NMNAT3: variants seen among roughly 807,000 people sequenced by gnomAD.
NMNAT3 encodes the protein nicotinamide nucleotide adenylyltransferase 3.
NMNAT3 carries 21 observed loss-of-function variants against 24.8 expected under a neutral mutation model. That is an observed-to-expected ratio of 0.85 (90% CI 0.60 to 1.22). The LOEUF is 1.22. NMNAT3 is among the 50% of genes most tolerant of loss of function. The probability of loss-of-function intolerance (pLI) is 0.00; values close to 1 mark genes in which losing one functional copy is unlikely to be tolerated. For missense variants in NMNAT3, 387 were observed against 436.6 expected, an observed-to-expected ratio of 0.89 and a Z score of 1.01; for synonymous variants, 136 against 155.2, an observed-to-expected ratio of 0.88 and a Z score of 0.92.
intron 4 of NMNAT3, chr3:139,582,825 T>C (rs2053724268): frequency 1.6e-6 from 1 of 608,120 alleles, no homozygotes; most frequent in African/African-American, 1.9e-5. Flanking sequence ...AATATATAGG[T>C]ATTCAATGCA....
chr3:139,654,007 C>T (rs2057150036), intron 1 of NMNAT3, among the ~76,000 whole-genome samples: 1 of 152,154 alleles, frequency 6.6e-6, no homozygotes, highest in African/African-American at 2.4e-5. Flanking sequence ...CCCTCAGTGT[C>T]CAGGAGCTAG....
At chr3:139,616,515 G>T (rs2055510572) in intron 3 of NMNAT3, among the ~76,000 whole-genome samples, 1 of 152,056 alleles carries the variant, frequency 6.6e-6, no homozygotes, top group Non-Finnish European at 1.5e-5. Context: ...CTCCAGTCTT[G>T]TATTCTGATA....
chr3:139,598,068 A>G (rs2054557016), intron 3 of NMNAT3, among the ~76,000 whole-genome samples: 1 of 152,260 alleles, frequency 6.6e-6, no homozygotes, highest in South Asian at 2.1e-4. Context: ...TAAGACTTAA[A>G]TAAATAGAAT....
chr3:139,599,510 CAAGTAACA>C (rs2054619923), intron 3 of NMNAT3: 2 of 655,906 alleles, frequency 3.0e-6, no homozygotes, highest in Non-Finnish European at 5.4e-6. Flanking sequence ...TGTTAAGAAT[CAAGTAACA>C]AAGAAGCTTG....
chr3:139,657,074 C>T (rs903512857), intron 1 of NMNAT3, among the ~76,000 whole-genome samples: 3 of 152,110 alleles, frequency 2.0e-5, no homozygotes, highest in African/African-American at 4.8e-5. Flanking sequence ...CTGATGGGGA[C>T]ACAGAAACTC....
At chr3:139,629,886 A>C (rs1174084943) in intron 2 of NMNAT3, among the ~76,000 whole-genome samples, 1 of 152,206 alleles carries the variant, frequency 6.6e-6, no homozygotes, top group Non-Finnish European at 1.5e-5. Flanking sequence ...CACATTATTT[A>C]TTACTTCATC....
intron 5 of NMNAT3, chr3:139,575,697 G>T (rs543645330): frequency 2.0e-6 from 2 of 1,023,384 alleles, no homozygotes; most frequent in Middle Eastern, 4.4e-4. Context: ...CTTCCACTGC[G>T]CCTCTATGGG....
chr3:139,602,392 A>G (rs535975090), intron 3 of NMNAT3, among the ~76,000 whole-genome samples: 23 of 152,342 alleles, frequency 1.5e-4, no homozygotes, highest in African/African-American at 5.5e-4. Context: ...AGGAACAGGA[A>G]ACTTGAAACA....
intron 1 of NMNAT3, among the ~76,000 whole-genome samples, chr3:139,664,272 A>G (rs1272062976): frequency 6.6e-6 from 1 of 152,178 alleles, no homozygotes; most frequent in African/African-American, 2.4e-5. Context: ...ATTTTGAATC[A>G]CCATCCATGG....
chr3:139,630,403 AGGCTGCTGAGAT>A (rs1196044765), intron 2 of NMNAT3, among the ~76,000 whole-genome samples: 1 of 152,348 alleles, frequency 6.6e-6, no homozygotes, highest in East Asian at 1.9e-4. Context: ...GGAGGGTGGA[AGGCTGCTGAGAT>A]GGCTTCTTTG....
At chr3:139,605,446 G>A (rs970325211) in intron 3 of NMNAT3, among the ~76,000 whole-genome samples, 2 of 152,134 alleles carry the variant, frequency 1.3e-5, no homozygotes, top group African/African-American at 4.8e-5. Flanking sequence ...CTTTTGAGGT[G>A]ATCAACTCTA....
intron 3 of NMNAT3, among the ~76,000 whole-genome samples, chr3:139,596,155 A>T (rs1337534714): frequency 6.6e-6 from 1 of 152,134 alleles, no homozygotes; most frequent in East Asian, 1.9e-4. Context: ...CTTTTCCAGA[A>T]AGGTCTATCT....
In NMNAT3 at chr3:139,675,135, T is replaced by TACACACACACACACACACACACAC. The variant is rs148834873; in HGVS notation, c.-141+2546_-141+2569dup. 1.1e-3 allele frequency among the ~76,000 whole-genome samples: 157 copies of TACACACACACACACACACACACAC among 148,334 alleles called. 1 individual carries two copies. Among genetic ancestry groups the TACACACACACACACACACACACAC allele is most frequent in the Non-Finnish European group, 1.8e-3 (122 of 67,222 alleles). On this transcript the variant is annotated intron_variant, in intron 1 of 6. Transcript: ENST00000643695. ...CTTACCTTCGTATTCCTTTTAAACA[T>TACACACACACACACACACACACAC]ACACACACACACACACACACACACA...
intron 6 of NMNAT3, chr3:139,569,462 A>C (rs1028935640): frequency 1.3e-5 from 2 of 151,992 alleles, no homozygotes; most frequent in African/African-American, 4.8e-5. Context: ...ATTTGGCATG[A>C]TTTTGCAGTG....
At chr3:139,591,919 C>A (rs1271532767) in intron 3 of NMNAT3, among the ~76,000 whole-genome samples, 2 of 152,232 alleles carry the variant, frequency 1.3e-5, no homozygotes, top group Non-Finnish European at 2.9e-5. Flanking sequence ...CGCCTCTCCT[C>A]CTCCAAAGGA....
chr3:139,665,724 A>AGG (rs1293788575), intron 1 of NMNAT3, among the ~76,000 whole-genome samples: 1 of 71,544 alleles, frequency 1.4e-5, no homozygotes, highest in Non-Finnish European at 2.9e-5. Flanking sequence ...CATTTGTAAC[A>AGG]GGAGAGAGAG....
At chr3:139,670,129 T>A (rs2057711881) in intron 1 of NMNAT3, among the ~76,000 whole-genome samples, 1 of 152,208 alleles carries the variant, frequency 6.6e-6, no homozygotes, top group African/African-American at 2.4e-5. Flanking sequence ...TGTAACTGGG[T>A]CTGATTTAGC....
intron 1 of NMNAT3, among the ~76,000 whole-genome samples, chr3:139,673,085 G>A (rs888509046): frequency 6.6e-6 from 1 of 152,144 alleles, no homozygotes; most frequent in African/African-American, 2.4e-5. Context: ...GCCACAACAT[G>A]ATAAAATCTA....
intron 6 of NMNAT3, chr3:139,572,183 CTG>C (rs1938490005): frequency 2.5e-6 from 1 of 398,622 alleles, no homozygotes; most frequent in African/African-American, 2.1e-5. Context: ...AGCCCAGAGT[CTG>C]TTCCAGTGAG....
Sources: allele counts gnomAD v4.1 joint callset (sites outside exome capture counted in the v4.1 genomes callset), GRCh38; gene constraint gnomAD v4.1.1; transcripts MANE v1.5; gene names NCBI Gene and HGNC (gene_info 2026-07-23, HGNC 2026-07-21).